The following PLCG2 variants were observed in gnomAD, a reference collection of about 807,000 sequenced individuals.
PLCG2 encodes the protein phospholipase C gamma 2, also known as 1-phosphatidylinositol 4,5-bisphosphate phosphodiesterase gamma-2.
A neutral mutation model predicts 175.6 loss-of-function variants in PLCG2; 69 were observed. The observed-to-expected ratio is 0.39, with a 90% CI of 0.32 to 0.48. The LOEUF (loss-of-function observed/expected upper bound fraction) is 0.48, where lower values mean the gene tolerates loss of function less well. Ranked by LOEUF, PLCG2 falls within the 20% of genes least tolerant of loss-of-function variation. The pLI is 0.91. For synonymous variants in PLCG2, 827 were observed against 624.0 expected (o/e 1.33, Z -4.85); for missense variants, 1,798 against 1,650.9 (o/e 1.09, Z -1.54).
In PLCG2 at chr16:81,939,959, A is replaced by C. The variant is rs1299916957; in HGVS notation, c.3381A>C (p.Pro1127=). ...AGGTGACATTTGAAATTTATGACCC[A>C]AACCTGGCATTTCTGCGCTTTGTGG... ...QEKVTFEIYD[P]NLAFLRFVVY... Residue 1127 remains proline, a synonymous_variant, in exon 30 of 33, where the codon CCA becomes CCC. Coordinates refer to ENST00000564138, the MANE Select transcript of PLCG2 (RefSeq NM_002661.5). The C allele has an allele frequency of 6.2e-7, 1 of 1,614,040 alleles. No individual in the cohort carries two copies. The highest frequency in any genetic ancestry group is 1.7e-5 in the Admixed American group (1 of 60,032).
chr16:81,886,454 G>T (rs545959876), intron 9 of PLCG2, among the ~76,000 whole-genome samples: 3 of 152,220 alleles, frequency 2.0e-5, no homozygotes, highest in Non-Finnish European at 4.4e-5. Context: ...TGAAAAGAAA[G>T]CTTTACAACT....
At chr16:81,772,548 G>A (rs1408047622) in intron 2 of PLCG2, among the ~76,000 whole-genome samples, 12 of 151,846 alleles carry the variant, frequency 7.9e-5, no homozygotes, top group Admixed American at 4.6e-4. Context: ...GGTGGCTCAC[G>A]CCTATAATCC....
intron 7 of PLCG2, among the ~76,000 whole-genome samples, chr16:81,877,280 C>T (rs896522045): frequency 2.0e-4 from 30 of 152,018 alleles, no homozygotes; most frequent in South Asian, 8.3e-4. Flanking sequence ...CGGTGAAACC[C>T]TGTCTCTACT....
chr16:81,895,769 C>T (rs1382999973), intron 12 of PLCG2, 38 bp from the exon 13 acceptor site: 2 of 1,612,194 alleles, frequency 1.2e-6, no homozygotes, highest in Non-Finnish European at 1.7e-6. Context: ...TGTCAGTGAA[C>T]ACACGTGGTA....
rs1377563129 is a variant in PLCG2 at position 81,838,607 on chromosome 16, C to T, written c.194-15837C>T. ...GGGAACATCACACACCAGGGCCTGT[C>T]AGGGGGTGGGGGCAAGGGGAGGGAG... On this transcript the variant is annotated intron_variant, in intron 2 of 32. Coordinates refer to ENST00000564138, the MANE Select transcript of PLCG2 (RefSeq NM_002661.5). 1.3e-5 allele frequency among the ~76,000 whole-genome samples: 2 copies of T among 151,534 alleles called. 1 individual carries two copies. The highest frequency in any genetic ancestry group is 4.9e-5 in the African/African-American group (2 of 41,210).
intron 29 of PLCG2, 103 bp downstream of exon 29, chr16:81,939,018 C>G (rs774360578): frequency 1.7e-4 from 116 of 692,736 alleles, no homozygotes; most frequent in Non-Finnish European, 2.4e-4. Flanking sequence ...TTAGTTGTCC[C>G]AGGGTTTTCT....
At chr16:81,818,882 G>GTTTTTT (rs1567480211) in intron 2 of PLCG2, among the ~76,000 whole-genome samples, 1 of 59,676 alleles carries the variant, frequency 1.7e-5, no homozygotes, top group African/African-American at 8.0e-5. Context: ...TGGGCTCATG[G>GTTTTTT]ATTTTTTTTT....
At chr16:81,825,217 T>C (rs539674370) in intron 2 of PLCG2, among the ~76,000 whole-genome samples, 1 of 152,278 alleles carries the variant, frequency 6.6e-6, no homozygotes, top group South Asian at 2.1e-4. Flanking sequence ...GTGATGCTTA[T>C]TTGGGAGTGT....
intron 28 of PLCG2, 105 bp downstream of exon 28, chr16:81,938,008 G>A: frequency 1.9e-6 from 2 of 1,059,438 alleles, no homozygotes; most frequent in South Asian, 1.5e-5. Flanking sequence ...GAGGCTGGTT[G>A]TCTTGTTTAA....
upstream of PLCG2, among the ~76,000 whole-genome samples, chr16:81,776,411 G>A (rs1910409387): frequency 6.6e-6 from 1 of 151,082 alleles, no homozygotes; most frequent in Non-Finnish European, 1.5e-5. Context: ...GCCCGGCTCA[G>A]AGTGGTTTCT....
chr16:81,778,062 A>AT (rs1910519465), upstream of PLCG2, among the ~76,000 whole-genome samples: 11 of 113,046 alleles, frequency 9.7e-5, no homozygotes, highest in African/African-American at 2.4e-4. Context: ...AAACAAAAAA[A>AT]ACCAAAAACA....
chr16:81,942,448 A>C (rs1480664457), intron 30 of PLCG2, among the ~76,000 whole-genome samples: 1 of 152,168 alleles, frequency 6.6e-6, no homozygotes, highest in Non-Finnish European at 1.5e-5. Flanking sequence ...AGTGCCTGGC[A>C]CATCCATATT....
chr16:81,804,486 A>C (rs1048123854), intron 2 of PLCG2, among the ~76,000 whole-genome samples: 1 of 152,236 alleles, frequency 6.6e-6, no homozygotes, highest in Non-Finnish European at 1.5e-5. Flanking sequence ...GGGCATGGAC[A>C]CTGATTGGCA....
At chr16:81,803,558 C>CCTTCCT (rs1555507859) in intron 2 of PLCG2, among the ~76,000 whole-genome samples, 1 of 132,476 alleles carries the variant, frequency 7.5e-6, no homozygotes, top group Non-Finnish European at 1.6e-5. Context: ...CCTTTCTTTC[C>CCTTCCT]TTCCTTTCCT....
chr16:81,910,123 C>G (rs1395992439), intron 17 of PLCG2, among the ~76,000 whole-genome samples: 1 of 152,126 alleles, frequency 6.6e-6, no homozygotes, highest in Non-Finnish European at 1.5e-5. Flanking sequence ...TGGAGTCTCG[C>G]TCTGTCGCCC....
At chr16:81,909,255 A>G (rs2143653603) in intron 17 of PLCG2, among the ~76,000 whole-genome samples, 1 of 152,336 alleles carries the variant, frequency 6.6e-6, no homozygotes, top group South Asian at 2.1e-4. Flanking sequence ...CAATGAAACA[A>G]GGCAACATAA....
intron 2 of PLCG2, among the ~76,000 whole-genome samples, chr16:81,801,927 C>T (rs1161600590): frequency 2.6e-5 from 4 of 151,786 alleles, no homozygotes; most frequent in Non-Finnish European, 4.4e-5. Flanking sequence ...GTGATCCACC[C>T]ACCTCAGCCT....
At chr16:81,838,199 C>G (rs1905625722) in intron 2 of PLCG2, among the ~76,000 whole-genome samples, 1 of 152,008 alleles carries the variant, frequency 6.6e-6, no homozygotes, top group Non-Finnish European at 1.5e-5. Context: ...TTGCCTCAAC[C>G]TCCCAGCTTC....
intron 2 of PLCG2, among the ~76,000 whole-genome samples, chr16:81,811,226 A>G (rs1164020370): frequency 6.6e-6 from 1 of 152,168 alleles, no homozygotes; most frequent in Non-Finnish European, 1.5e-5. Flanking sequence ...CAGTGTCTGC[A>G]TCTGTCAAAT....
Sources: gnomAD v4.1 joint callset for allele counts (sites outside exome capture counted in the v4.1 genomes callset) on GRCh38, gnomAD v4.1.1 for gene constraint, MANE v1.5 for transcripts, NCBI Gene and HGNC (gene_info 2026-07-23, HGNC 2026-07-21) for gene names.